The following FBN1 variants were observed in gnomAD, a reference collection of about 807,000 sequenced individuals.
FBN1 encodes fibrillin-1.
In FBN1, 29 loss-of-function variants were observed where a neutral mutation model predicts 365.1. That is an observed-to-expected ratio of 0.08 (90% confidence interval 0.06 to 0.11). The LOEUF (loss-of-function observed/expected upper bound fraction) is 0.11, where lower values mean the gene tolerates loss of function less well. FBN1 is among the 10% of genes least tolerant of loss of function. FBN1 has a pLI of 1.00. For missense variants in FBN1, 2,476 were observed against 3,703.2 expected, an observed-to-expected ratio of 0.67 and a Z score of 8.60; for synonymous variants, 1,210 against 1,270.5, an observed-to-expected ratio of 0.95 and a Z score of 1.01.
intron 6 of FBN1, among the ~76,000 whole-genome samples, chr15:48,580,378 C>T (rs2044382711): frequency 6.6e-6 from 1 of 152,162 alleles, no homozygotes; most frequent in Non-Finnish European, 1.5e-5. Context: ...TCTCTTTCTC[C>T]ACCTCTCCTT....
chr15:48,426,714 T>G (rs2042981898), intron 58 of FBN1, among the ~76,000 whole-genome samples: 1 of 152,190 alleles, frequency 6.6e-6, no homozygotes, highest in South Asian at 2.1e-4. Flanking sequence ...GAAGTGCAAT[T>G]TAGCACACTC....
intron 6 of FBN1, among the ~76,000 whole-genome samples, chr15:48,548,989 C>T (rs763520992): frequency 2.6e-5 from 4 of 152,236 alleles, no homozygotes; most frequent in African/African-American, 4.8e-5. Flanking sequence ...ATTCGCCATC[C>T]TGGGATTTCA....
Position 48,468,510 on chromosome 15 carries a change from G to A in FBN1, c.4484C>T (p.Thr1495Ile), listed in dbSNP as rs1387810687. 2.5e-6 allele frequency: 4 copies of A among 1,613,988 alleles called. No homozygotes were observed. The highest frequency in any genetic ancestry group is 2.5e-6 in the Non-Finnish European group (3 of 1,179,986). ...CTDVNECLDP[T>I]TCISGNCVNT... Reference sequence around the variant, plus strand: ...GACACAGTTCCCACTGATGCACGTGGTTGGATCCAGGCATTCATTCACATC... The same window carrying A: ...GACACAGTTCCCACTGATGCACGTGATTGGATCCAGGCATTCATTCACATC... Residue 1495 changes from threonine to isoleucine, a missense_variant, in exon 37 of 66, where the codon ACC (threonine) becomes ATC (isoleucine). Thr to Ile is a moderately conservative substitution (Grantham distance 89). Around this residue, in one of 5 missense-constraint regions of FBN1, gnomAD observed 1,780 missense variants for 2,840.8 expected, o/e 0.63. Coordinates refer to ENST00000316623, the MANE Select transcript of FBN1 (RefSeq NM_000138.5).
intron 6 of FBN1, among the ~76,000 whole-genome samples, chr15:48,553,951 CACA>C (rs1328300557): frequency 6.6e-6 from 1 of 152,160 alleles, no homozygotes; most frequent in Non-Finnish European, 1.5e-5. Context: ...ACTTAATTCT[CACA>C]ACAATTCTCT....
At chr15:48,557,851 T>G (rs2044193528) in intron 6 of FBN1, among the ~76,000 whole-genome samples, 1 of 152,096 alleles carries the variant, frequency 6.6e-6, no homozygotes, top group Non-Finnish European at 1.5e-5. Context: ...AAATAAAAAC[T>G]TAACACTCAC....
At chr15:48,452,362 GA>G (rs1459405370) in intron 45 of FBN1, among the ~76,000 whole-genome samples, 199 bp downstream of exon 45, 1 of 152,194 alleles carries the variant, frequency 6.6e-6, no homozygotes. Context: ...ATCTCATCCA[GA>G]AAGAGGATTA....
intron 49 of FBN1, among the ~76,000 whole-genome samples, chr15:48,444,283 T>C (rs964831408): frequency 2.0e-5 from 3 of 152,188 alleles, no homozygotes; most frequent in Admixed American, 1.3e-4. Flanking sequence ...TCCTAACAAA[T>C]GTGTGAAAGC....
At chr15:48,483,634 G>A (rs185170966) in intron 31 of FBN1, among the ~76,000 whole-genome samples, 184 bp downstream of exon 31, 1 of 152,198 alleles carries the variant, frequency 6.6e-6, no homozygotes, top group Non-Finnish European at 1.5e-5. Flanking sequence ...TCTGACAAGA[G>A]TACCATTTAA....
chr15:48,611,176 ATATAT>A (rs1345455336), intron 3 of FBN1, among the ~76,000 whole-genome samples: 2 of 152,168 alleles, frequency 1.3e-5, no homozygotes, highest in South Asian at 2.1e-4. Context: ...ATCACAAGAA[ATATAT>A]TATTATATTA....
intron 8 of FBN1, 51 bp downstream of exon 8, chr15:48,534,029 T>C (rs749975201): frequency 2.5e-6 from 4 of 1,611,440 alleles, no homozygotes; most frequent in Non-Finnish European, 3.4e-6. Context: ...TAATGTTGAG[T>C]TTTGCCTGCC....
chr15:48,411,077 G>T lies in FBN1; in HGVS notation c.8529C>A (p.Asn2843Lys), dbSNP rs1411645863. The part of the protein sequence containing the change: ...STPLYKKKEL[N>K]QLEDKYDKDY... ...CTTTGTCATATTTGTCTTCTAGTTG[G>T]TTAAGTTCTTTCTTTTTATAAAGTG... is the stretch of plus-strand genomic sequence containing the variant. Residue 2843 changes from asparagine (N) to lysine (K), a missense_variant, in exon 66 of 66, where the codon AAC (asparagine) becomes AAA (lysine). This residue lies in a region of FBN1 where 177 missense variants were observed against 192.7 expected (regional missense o/e 0.92). Coordinates refer to ENST00000316623, the MANE Select transcript of FBN1 (RefSeq NM_000138.5). 1 of 1,613,842 alleles carries T rather than the reference G, an allele frequency of 6.2e-7. No individual in the cohort carries two copies.
At chr15:48,451,259 A>C (rs1402270117) in intron 45 of FBN1, among the ~76,000 whole-genome samples, 1 of 152,226 alleles carries the variant, frequency 6.6e-6, no homozygotes, top group Non-Finnish European at 1.5e-5. Context: ...GAATTATTTC[A>C]TCCAGTTCTA....
intron 2 of FBN1, chr15:48,641,286 C>T (rs1890192070): frequency 6.8e-6 from 1 of 147,944 alleles, no homozygotes; most frequent in African/African-American, 2.6e-5. Context: ...CTTTTGCTGC[C>T]CAGTGGGGAG....
intron 45 of FBN1, among the ~76,000 whole-genome samples, chr15:48,450,518 C>T (rs2043192945): frequency 6.6e-6 from 1 of 152,162 alleles, no homozygotes; most frequent in Non-Finnish European, 1.5e-5. Context: ...GAGGTCTGAA[C>T]AGGCTACTGT....
chr15:48,603,321 G>A (rs1048543053), intron 4 of FBN1, among the ~76,000 whole-genome samples: 1 of 152,178 alleles, frequency 6.6e-6, no homozygotes, highest in African/African-American at 2.4e-5. Flanking sequence ...CTCAGCACAG[G>A]TAATAGGCTC....
chr15:48,517,534 A>G (rs984913098), intron 10 of FBN1, among the ~76,000 whole-genome samples: 2 of 152,104 alleles, frequency 1.3e-5, no homozygotes, highest in South Asian at 4.1e-4. Flanking sequence ...GATGATTACT[A>G]TTTTTCACAG....
chr15:48,540,398 T>A (rs891569803), intron 6 of FBN1, among the ~76,000 whole-genome samples: 1 of 152,186 alleles, frequency 6.6e-6, no homozygotes, highest in African/African-American at 2.4e-5. Context: ...AAAAATATAC[T>A]TTTGAATCCT....
Position 48,474,384 on chromosome 15 carries a change from G to C in FBN1, c.4088-7C>G. The C allele has an allele frequency of 6.2e-7, 1 of 1,614,010 alleles. No homozygotes were observed. The highest frequency in any genetic ancestry group is 2.2e-5 in the East Asian group (1 of 44,880). ...TTGGAACATTCGTCCAGATCTTATA[G>C]AAAAAGGTTATATCATTATTAACAG... On this transcript the variant is annotated splice_region_variant and splice_polypyrimidine_tract_variant and intron_variant, in intron 33 of 65. Coordinates refer to ENST00000316623, the MANE Select transcript of FBN1 (RefSeq NM_000138.5).
intron 35 of FBN1, among the ~76,000 whole-genome samples, chr15:48,471,262 C>A (rs1324308594): frequency 6.6e-6 from 1 of 152,118 alleles, no homozygotes; most frequent in Non-Finnish European, 1.5e-5. Flanking sequence ...TTCTTCCAGG[C>A]CTCTGTCTCT....
Sources: allele counts gnomAD v4.1 joint callset (sites outside exome capture counted in the v4.1 genomes callset), GRCh38; gene constraint gnomAD v4.1.1; regional missense constraint gnomAD v4.1.1; transcripts MANE v1.5; gene names NCBI Gene and HGNC (gene_info 2026-07-23, HGNC 2026-07-21).